The following FARP1 variants were observed in gnomAD, a reference collection of about 807,000 sequenced individuals.
FARP1 encodes the protein FERM, ARHGEF and pleckstrin domain-containing protein 1.
FARP1 carries 52 observed loss-of-function variants against 128.8 expected under a neutral mutation model. The observed-to-expected ratio is 0.40, with a 90% CI of 0.32 to 0.51. FARP1 has a LOEUF of 0.51. Among genes scored for constraint, FARP1 ranks in the 20% least tolerant of loss-of-function variants. The pLI is 0.45. For synonymous variants in FARP1, 580 were observed against 551.8 expected (o/e 1.05, Z -0.72); for missense variants, 1,333 against 1,367.9 (o/e 0.97, Z 0.40).
intron 5 of FARP1, among the ~76,000 whole-genome samples, chr13:98,372,792 C>T (rs867981236): frequency 6.6e-6 from 1 of 152,194 alleles, no homozygotes; most frequent in Non-Finnish European, 1.5e-5. Flanking sequence ...GGACTCTCCT[C>T]ACGTCCACTC....
intron 16 of FARP1, among the ~76,000 whole-genome samples, chr13:98,413,147 C>T (rs759737273): frequency 1.3e-5 from 2 of 152,312 alleles, no homozygotes; most frequent in East Asian, 1.9e-4. Context: ...CGGCTTTGTA[C>T]ATTTTTTATA....
At chr13:98,309,119 T>G (rs1886323206) in intron 2 of FARP1, among the ~76,000 whole-genome samples, 1 of 150,274 alleles carries the variant, frequency 6.7e-6, no homozygotes, top group African/African-American at 2.4e-5. Context: ...CCTATTAGAT[T>G]ACATAAAATA....
chr13:98,340,507 G>C (rs1031892460), intron 2 of FARP1, among the ~76,000 whole-genome samples: 1 of 151,960 alleles, frequency 6.6e-6, no homozygotes, highest in African/African-American at 2.4e-5. Context: ...ACCACACCCG[G>C]GTAATTTTTG....
At chr13:98,148,160 T>C (rs1875713066) in intron 1 of FARP1, among the ~76,000 whole-genome samples, 1 of 152,088 alleles carries the variant, frequency 6.6e-6, no homozygotes, top group Non-Finnish European at 1.5e-5. Flanking sequence ...GGGCGAATCA[T>C]CTGAGGTCAG....
Position 98,410,782 on chromosome 13 carries a change from A to C in FARP1, c.1651A>C (p.Thr551Pro), listed in dbSNP as rs775374921. 1 of 1,605,394 alleles carries C rather than the reference A, an allele frequency of 6.2e-7. No homozygotes were observed. Among genetic ancestry groups the C allele is most frequent in the Non-Finnish European group, 8.5e-7 (1 of 1,174,134 alleles). The change falls in exon 15 of 27, where the codon ACC becomes CCC. Residue 551 changes from threonine (T) to proline (P), a missense_variant. Coordinates refer to ENST00000319562, the MANE Select transcript of FARP1 (RefSeq NM_005766.4). ...CTTCATAGCTAAGGAAGTGTCTACC[A>C]CCGAGCGAACATATCTGAAGGATCT... ...AYFIAKEVST[T>P]ERTYLKDLEV... is the part of the protein sequence containing the mutation.
rs1258562463 is a variant in FARP1 at position 98,211,815 on chromosome 13, A to T, written c.-23-1405A>T. 3.9e-5 allele frequency among the ~76,000 whole-genome samples: 6 copies of T among 152,356 alleles called. 1 individual carries two copies. The highest frequency in any genetic ancestry group is 1.4e-4 in the African/African-American group (6 of 41,580). On this transcript the variant is annotated intron_variant, in intron 1 of 26. Transcript: ENST00000319562. ...CTTCTGACACTAAATATGCAGCCACATATAAATATACTGGCTGAGTGGTCC... is the reference window on the plus strand; with the variant it reads ...CTTCTGACACTAAATATGCAGCCACTTATAAATATACTGGCTGAGTGGTCC...
intron 2 of FARP1, among the ~76,000 whole-genome samples, chr13:98,322,431 C>T (rs577770930): frequency 3.9e-5 from 6 of 152,302 alleles, no homozygotes; most frequent in Non-Finnish European, 8.8e-5. Flanking sequence ...CCAGGGTGAA[C>T]ACCAGCCTAG....
At chr13:98,331,006 C>A (rs144253021) in intron 2 of FARP1, among the ~76,000 whole-genome samples, 81 of 152,288 alleles carry the variant, frequency 5.3e-4, no homozygotes, top group African/African-American at 1.9e-3. Flanking sequence ...GGAATTAGTT[C>A]TTTAATTAAA....
At position 98,431,073 on chromosome 13, in the gene FARP1, G is replaced by A. The variant is rs765401742; in HGVS notation, c.1936G>A (p.Glu646Lys). 1.4e-5 allele frequency: 23 copies of A among 1,613,962 alleles called. No homozygotes were observed. The highest frequency in any genetic ancestry group is 1.3e-4 in the East Asian group (6 of 44,894). ...HLAAHLWKHSEALEALENGIK... is the reference protein window; with the variant it reads ...HLAAHLWKHSKALEALENGIK... Reference sequence around the variant, plus strand: ...GGCGGCTCACCTGTGGAAGCACAGCGAGGCCTTGGAGGCCCTGGAGAATGG... The same window carrying A: ...GGCGGCTCACCTGTGGAAGCACAGCAAGGCCTTGGAGGCCCTGGAGAATGG... The change falls in exon 18 of 27, where the codon GAG becomes AAG. Residue 646 changes from glutamate (E) to lysine (K), a missense_variant. By Grantham distance (56) the Glu-to-Lys change is moderately conservative. This residue lies in a region of FARP1 where 1,009 missense variants were observed against 969.8 expected (regional missense o/e 1.04). Transcript: ENST00000319562.
chr13:98,359,378 C>A (rs1323617346), intron 3 of FARP1, among the ~76,000 whole-genome samples: 1 of 152,128 alleles, frequency 6.6e-6, no homozygotes, highest in Non-Finnish European at 1.5e-5. Flanking sequence ...TTAATAAGAC[C>A]CTTTCCAAAA....
chr13:98,145,861 CAAAAA>C (rs140525790), intron 1 of FARP1, among the ~76,000 whole-genome samples: 1 of 131,218 alleles, frequency 7.6e-6, no homozygotes, highest in African/African-American at 3.0e-5. Context: ...GACTCTGTCT[CAAAAA>C]AAAAAAAAAA....
intron 3 of FARP1, among the ~76,000 whole-genome samples, chr13:98,352,527 A>G (rs530416406): frequency 4.6e-5 from 7 of 152,344 alleles, no homozygotes; most frequent in South Asian, 2.1e-4. Context: ...GCACGCTTCC[A>G]TATCCTTCAA....
chr13:98,291,458 T>C (rs1290928178), intron 2 of FARP1, among the ~76,000 whole-genome samples: 1 of 152,078 alleles, frequency 6.6e-6, no homozygotes, highest in African/African-American at 2.4e-5. Context: ...AGAGGCCAAA[T>C]GTATTTGGGT....
At chr13:98,178,305 C>T (rs1445440825) in intron 1 of FARP1, among the ~76,000 whole-genome samples, 2 of 150,298 alleles carry the variant, frequency 1.3e-5, no homozygotes, top group Non-Finnish European at 1.5e-5. Flanking sequence ...AAGCAATTCT[C>T]CTGCCTCAGC....
At chr13:98,295,041 TATATTACACACACACACAC>T (rs1885603857) in intron 2 of FARP1, among the ~76,000 whole-genome samples, 2 of 141,204 alleles carry the variant, frequency 1.4e-5, no homozygotes, top group African/African-American at 5.4e-5. Context: ...TATATATATA[TATATTACACACACACACAC>T]ACACACACAC....
chr13:98,239,312 C>T (rs1311659781), intron 2 of FARP1, among the ~76,000 whole-genome samples: 2 of 152,190 alleles, frequency 1.3e-5, no homozygotes, highest in Non-Finnish European at 2.9e-5. Flanking sequence ...AACTGGAGCC[C>T]ACATCCAGGT....
At chr13:98,279,928 G>A (rs1884851610) in intron 2 of FARP1, among the ~76,000 whole-genome samples, 1 of 151,950 alleles carries the variant, frequency 6.6e-6, no homozygotes, top group Non-Finnish European at 1.5e-5. Flanking sequence ...CACGTTCTCC[G>A]CTGTCTGACC....
chr13:98,215,822 T>A (rs1881028592), intron 2 of FARP1, among the ~76,000 whole-genome samples: 1 of 152,036 alleles, frequency 6.6e-6, no homozygotes, highest in South Asian at 2.1e-4. Flanking sequence ...GACGGAGTCT[T>A]GCTGTGTCTC....
rs1030236103 is a variant in FARP1, at chr13:98,382,803, T to C, written c.497-1927T>C. Among the ~76,000 whole-genome samples, 6 of 152,338 alleles carry C rather than the reference T, an allele frequency of 3.9e-5. 1 individual carries two copies. The highest frequency in any genetic ancestry group is 6.5e-5 in the Admixed American group (1 of 15,296). The stretch of plus-strand genomic sequence containing the variant: ...ATTTAGTGCCACGCTTTTCGCATTT[T>C]TGTGCATGTTTTTGGTGATTTCACT... On this transcript the variant is annotated intron_variant, in intron 6 of 26. Transcript: ENST00000319562.
Sources: gnomAD v4.1 joint callset for allele counts (sites outside exome capture counted in the v4.1 genomes callset) on GRCh38, gnomAD v4.1.1 for gene constraint, gnomAD v4.1.1 regional missense constraint, MANE v1.5 for transcripts, NCBI Gene and HGNC (gene_info 2026-07-23, HGNC 2026-07-21) for gene names.